The following ARHGAP42 variants were observed in gnomAD, a reference collection of about 807,000 sequenced individuals.
The protein encoded by ARHGAP42 is rho GTPase-activating protein 42.
ARHGAP42 carries 63 observed loss-of-function variants against 125.0 expected under a neutral mutation model. That is an observed-to-expected ratio of 0.50 (90% confidence interval 0.41 to 0.62). The LOEUF (loss-of-function observed/expected upper bound fraction) is 0.62, where lower values mean the gene tolerates loss of function less well. Among genes scored for constraint, ARHGAP42 ranks in the 20% least tolerant of loss-of-function variants. The pLI, the probability that ARHGAP42 is intolerant of heterozygous loss-of-function variation, is 0.00. For missense variants in ARHGAP42, 766 were observed against 1,024.2 expected, an observed-to-expected ratio of 0.75 and a Z score of 3.44; for synonymous variants, 339 against 351.0, an observed-to-expected ratio of 0.97 and a Z score of 0.38.
rs545107837 is a variant in ARHGAP42 at position 100,949,368 on chromosome 11, T to C, written c.1123-549T>C. ...AAGCCTGTTAAATTTAATTTAAAAA[T>C]TGGAACTCTGCATTGATTTTTTTGT... On this transcript the variant is annotated intron_variant, in intron 11 of 23. Transcript: ENST00000298815. Among the ~76,000 whole-genome samples the C allele has an allele frequency of 3.0e-4, 46 of 152,284 alleles. 1 individual carries two copies. The highest frequency in any genetic ancestry group is 1.1e-3 in the African/African-American group (45 of 41,582).
At chr11:100,784,278 A>G (rs1265267238) in intron 2 of ARHGAP42, among the ~76,000 whole-genome samples, 1 of 152,176 alleles carries the variant, frequency 6.6e-6, no homozygotes, top group Non-Finnish European at 1.5e-5. Context: ...GGGGGCCTCA[A>G]ATTATTTGCA....
chr11:100,919,323 G>T (rs1407963798), intron 5 of ARHGAP42, among the ~76,000 whole-genome samples: 1 of 152,096 alleles, frequency 6.6e-6, no homozygotes, highest in Non-Finnish European at 1.5e-5. Flanking sequence ...CAGTTTAGGT[G>T]CAGTAAGCCA....
chr11:100,929,828 G>T (rs1161915518), intron 6 of ARHGAP42, among the ~76,000 whole-genome samples: 1 of 152,052 alleles, frequency 6.6e-6, no homozygotes, highest in Non-Finnish European at 1.5e-5. Flanking sequence ...AATGATTTTT[G>T]TAAATATATT....
At chr11:100,746,070 G>A (rs1363630461) in intron 1 of ARHGAP42, among the ~76,000 whole-genome samples, 1 of 152,168 alleles carries the variant, frequency 6.6e-6, no homozygotes, top group African/African-American at 2.4e-5. Flanking sequence ...TAGCCAGTTG[G>A]ACTAAAGCAT....
At chr11:100,832,533 T>C (rs1864687247) in intron 3 of ARHGAP42, among the ~76,000 whole-genome samples, 2 of 152,322 alleles carry the variant, frequency 1.3e-5, no homozygotes, top group South Asian at 4.1e-4. Flanking sequence ...CCTAACACGA[T>C]GTATGAACAA....
chr11:100,913,796 T>C (rs1866992318), intron 5 of ARHGAP42, among the ~76,000 whole-genome samples: 1 of 151,920 alleles, frequency 6.6e-6, no homozygotes, highest in Admixed American at 6.6e-5. Flanking sequence ...TTTTATTCTT[T>C]TTGAGCATTT....
In ARHGAP42 at chr11:100,992,838, C is replaced by A; in HGVS notation, c.*4037C>A. 2 of 967,438 alleles carry A rather than the reference C, an allele frequency of 2.1e-6. No individual in the cohort carries two copies. Among genetic ancestry groups the A allele is most frequent in the Non-Finnish European group, 3.1e-6 (2 of 654,090 alleles). The allele number at this position is 967,438 out of a possible 1,614,324, so 59.9% of individuals were successfully genotyped here. On this transcript the variant is annotated 3_prime_UTR_variant, in exon 24 of 24. Coordinates refer to ENST00000298815, the MANE Select transcript of ARHGAP42 (RefSeq NM_152432.4). ...AAGCCATTGGCAGAAAATTGATCTG[C>A]ATGTCCTAGACCAATGATTACAAGG...
chr11:100,767,164 G>C (rs909925610), intron 1 of ARHGAP42, among the ~76,000 whole-genome samples: 1 of 152,128 alleles, frequency 6.6e-6, no homozygotes, highest in Non-Finnish European at 1.5e-5. Flanking sequence ...TCCTTTCTTA[G>C]ATATTGAACA....
At chr11:100,792,899 C>A (rs1432716837) in intron 2 of ARHGAP42, among the ~76,000 whole-genome samples, 2 of 151,872 alleles carry the variant, frequency 1.3e-5, no homozygotes, top group African/African-American at 4.8e-5. Flanking sequence ...ACTACAGGTG[C>A]CCGCCACCAC....
At chr11:100,766,922 C>T (rs987332857) in intron 1 of ARHGAP42, among the ~76,000 whole-genome samples, 42 of 152,094 alleles carry the variant, frequency 2.8e-4, no homozygotes, top group Non-Finnish European at 4.0e-4. Flanking sequence ...CATTATGCTT[C>T]CAGAAGGACT....
chr11:100,788,528 T>C (rs1253966402), intron 2 of ARHGAP42, among the ~76,000 whole-genome samples: 1 of 152,178 alleles, frequency 6.6e-6, no homozygotes, highest in Non-Finnish European at 1.5e-5. Flanking sequence ...TAGGAAGCAA[T>C]TTATTGACTT....
chr11:100,768,242 TACA>T (rs1235064057), intron 1 of ARHGAP42, among the ~76,000 whole-genome samples: 1 of 152,166 alleles, frequency 6.6e-6, no homozygotes, highest in African/African-American at 2.4e-5. Flanking sequence ...CAACTCTAAA[TACA>T]ACAATAACAA....
intron 1 of ARHGAP42, among the ~76,000 whole-genome samples, chr11:100,694,577 C>A (rs1861242960): frequency 1.3e-5 from 2 of 152,186 alleles, no homozygotes; most frequent in Non-Finnish European, 1.5e-5. Flanking sequence ...CTCCACCTGC[C>A]ACCCACCAAT....
intron 12 of ARHGAP42, among the ~76,000 whole-genome samples, chr11:100,956,779 G>T (rs1266221848): frequency 6.6e-6 from 1 of 152,048 alleles, no homozygotes; most frequent in Non-Finnish European, 1.5e-5. Flanking sequence ...GGTTCACAGG[G>T]CCTGCCTGGT....
At chr11:100,736,708 CGAAAG>C (rs1317997384) in intron 1 of ARHGAP42, among the ~76,000 whole-genome samples, 1 of 152,102 alleles carries the variant, frequency 6.6e-6, no homozygotes, top group African/African-American at 2.4e-5. Flanking sequence ...GTAATTTCTC[CGAAAG>C]GATCTTGACG....
Position 100,987,519 on chromosome 11 carries a change from C to T in ARHGAP42, c.2463C>T (p.Ala821=). The T allele has an allele frequency of 6.4e-7, 1 of 1,551,756 alleles. No homozygotes were observed. The highest frequency in any genetic ancestry group is 8.7e-7 in the Non-Finnish European group (1 of 1,146,906). ...AGTTGTCTTGCTCTTTCAGCCAAGC[C>T]AAAGCCATGTACTCCTGTAAAGCAG... The part of the protein sequence containing the change: ...SPKPVSSGRQ[A]KAMYSCKAEH... The change falls in exon 23 of 24, where the codon GCC becomes GCT. Residue 821 remains alanine (A), a synonymous_variant. Transcript: ENST00000298815.
chr11:100,801,647 T>C (rs1863854223), intron 3 of ARHGAP42, among the ~76,000 whole-genome samples: 1 of 152,202 alleles, frequency 6.6e-6, no homozygotes, highest in Admixed American at 6.5e-5. Context: ...ACATTTCTGC[T>C]AAAGCCAACT....
chr11:100,722,841 T>C lies in ARHGAP42; in HGVS notation c.154+35009T>C, dbSNP rs113289261. On this transcript the variant is annotated intron_variant, in intron 1 of 23. Coordinates refer to ENST00000298815, the MANE Select transcript of ARHGAP42 (RefSeq NM_152432.4). ...CAGTTTTTTCTTTGGATCATACTTTTGGTGTTATATCTAACTTTGGGTTTG... is the reference window on the plus strand; with the variant it reads ...CAGTTTTTTCTTTGGATCATACTTTCGGTGTTATATCTAACTTTGGGTTTG... Among the ~76,000 whole-genome samples the C allele has an allele frequency of 5.8e-3, 878 of 152,320 alleles. 6 individuals are homozygous for C. Among genetic ancestry groups the C allele is most frequent in the Middle Eastern group, 0.02 (6 of 294 alleles).
At chr11:100,911,074 G>A (rs1037862469) in intron 4 of ARHGAP42, among the ~76,000 whole-genome samples, 27 of 152,150 alleles carry the variant, frequency 1.8e-4, no homozygotes, top group African/African-American at 5.8e-4. Context: ...TCTATGAAAA[G>A]TGAGAAATTT....
Sources: allele counts gnomAD v4.1 joint callset (sites outside exome capture counted in the v4.1 genomes callset), GRCh38; gene constraint gnomAD v4.1.1; transcripts MANE v1.5; gene names NCBI Gene and HGNC (gene_info 2026-07-23, HGNC 2026-07-21).